The following ROBO2 variants were observed in gnomAD, a reference collection of about 807,000 sequenced individuals.
The protein encoded by ROBO2 is roundabout homolog 2.
Under a neutral mutation model 160.8 loss-of-function variants are expected in ROBO2, and 53 were observed. The ratio of observed to expected loss-of-function variants is 0.33; its 90% CI spans 0.26 to 0.41. The LOEUF is 0.41. Ranked by LOEUF, ROBO2 falls within the 10% of genes least tolerant of loss-of-function variation. The pLI, the probability that ROBO2 is intolerant of heterozygous loss-of-function variation, is 1.00. For synonymous variants in ROBO2, 664 were observed against 611.7 expected (o/e 1.09, Z -1.26); for missense variants, 1,577 against 1,722.4 (o/e 0.92, Z 1.49).
chr3:76,062,991 A>G (rs867748204), intron 2 of ROBO2, among the ~76,000 whole-genome samples: 30 of 152,190 alleles, frequency 2.0e-4, no homozygotes, highest in African/African-American at 7.0e-4. Flanking sequence ...GTGATTTTCT[A>G]TTCATAATTT....
chr3:76,913,868 G>A (rs1048014040), intron 2 of ROBO2, among the ~76,000 whole-genome samples: 4 of 152,006 alleles, frequency 2.6e-5, no homozygotes, highest in Admixed American at 2.0e-4. Context: ...TCCTTTAGAG[G>A]AGTAACTGAA....
chr3:76,174,629 C>A (rs115483542), intron 2 of ROBO2, among the ~76,000 whole-genome samples: 5,791 of 152,044 alleles, frequency 0.038, 293 homozygotes, highest in African/African-American at 0.12. Context: ...AATCCTTTCC[C>A]CATTCGTTGT....
intron 2 of ROBO2, among the ~76,000 whole-genome samples, chr3:76,101,830 G>A (rs904563696): frequency 1.4e-5 from 2 of 144,588 alleles, no homozygotes; most frequent in Non-Finnish European, 3.0e-5. Context: ...ATACCCCGGG[G>A]TGTGATGTTC....
intron 2 of ROBO2, among the ~76,000 whole-genome samples, chr3:76,060,075 T>C (rs892123601): frequency 6.6e-6 from 1 of 150,486 alleles, no homozygotes; most frequent in Non-Finnish European, 1.5e-5. Context: ...CAAGGTACTT[T>C]GGTGTGATTT....
At chr3:76,660,072 A>G (rs535387438) in intron 2 of ROBO2, among the ~76,000 whole-genome samples, 57 of 152,230 alleles carry the variant, frequency 3.7e-4, no homozygotes, top group African/African-American at 1.3e-3. Context: ...TAATAAAATG[A>G]AGACAGAAAT....
chr3:76,755,369 C>A (rs1001230347), intron 2 of ROBO2, among the ~76,000 whole-genome samples: 9 of 151,642 alleles, frequency 5.9e-5, no homozygotes, highest in Middle Eastern at 3.2e-3. Flanking sequence ...GACATCTACC[C>A]CAGAGTAAGG....
At chr3:76,363,317 A>G (rs758067719) in intron 2 of ROBO2, among the ~76,000 whole-genome samples, 9 of 152,130 alleles carry the variant, frequency 5.9e-5, no homozygotes, top group African/African-American at 2.2e-4. Flanking sequence ...GCTTTTTGCA[A>G]TTCATCAGAA....
At chr3:76,059,347 T>G (rs962852862) in intron 2 of ROBO2, among the ~76,000 whole-genome samples, 54 of 152,206 alleles carry the variant, frequency 3.5e-4, no homozygotes, top group African/African-American at 1.3e-3. Flanking sequence ...CCATTCTAAC[T>G]GGTGTGAGAT....
intron 2 of ROBO2, among the ~76,000 whole-genome samples, chr3:77,002,509 C>A (rs1205802249): frequency 6.6e-6 from 1 of 151,802 alleles, no homozygotes; most frequent in Middle Eastern, 3.5e-3. Flanking sequence ...TAAAAGTATT[C>A]AAAAATCCAA....
At chr3:76,769,507 A>G (rs1263222426) in intron 2 of ROBO2, among the ~76,000 whole-genome samples, 1 of 151,428 alleles carries the variant, frequency 6.6e-6, no homozygotes, top group Non-Finnish European at 1.5e-5. Context: ...TAGATTGTTT[A>G]TTTGTAAATC....
chr3:77,618,171 A>G (rs1369385669), intron 22 of ROBO2: 1 of 255,350 alleles, frequency 3.9e-6, no homozygotes, highest in Non-Finnish European at 7.7e-6. Flanking sequence ...CTCCTTTTAG[A>G]TTCCTCAAAG....
intron 2 of ROBO2, among the ~76,000 whole-genome samples, chr3:76,232,203 T>G (rs973972078): frequency 7.2e-5 from 11 of 152,136 alleles, no homozygotes; most frequent in Non-Finnish European, 1.3e-4. Flanking sequence ...AGCAAAATAC[T>G]AAAGAAGTTC....
intron 2 of ROBO2, among the ~76,000 whole-genome samples, chr3:76,023,451 A>G (rs1206228417): frequency 6.6e-6 from 1 of 151,596 alleles, no homozygotes; most frequent in East Asian, 1.9e-4. Flanking sequence ...AGGGTTATTA[A>G]TTGGTTTAAT....
rs188891078 is a variant in ROBO2 at position 77,240,351 on chromosome 3, G to A, written c.388+142011G>A. ...CCAGGTGCTAAGCCCCTCACTGCCCGGAGCCGTCAGTGCCAGTCGCCCGCT... is the reference window on the plus strand; with the variant it reads ...CCAGGTGCTAAGCCCCTCACTGCCCAGAGCCGTCAGTGCCAGTCGCCCGCT... On this transcript the variant is annotated intron_variant, in intron 2 of 25. Transcript: ENST00000461745. 7.2e-5 allele frequency among the ~76,000 whole-genome samples: 11 copies of A among 152,272 alleles called. No individual in the cohort carries two copies. The East Asian group carries it at 9.7e-4, about 13-fold the overall frequency.
chr3:76,921,496 C>T (rs2076659539), intron 2 of ROBO2, among the ~76,000 whole-genome samples: 1 of 152,108 alleles, frequency 6.6e-6, no homozygotes, highest in Non-Finnish European at 1.5e-5. Flanking sequence ...CTTGTAATCC[C>T]AGCTACTCAG....
intron 2 of ROBO2, among the ~76,000 whole-genome samples, chr3:76,252,578 A>G (rs1239551288): frequency 6.6e-6 from 1 of 151,946 alleles, no homozygotes; most frequent in Non-Finnish European, 1.5e-5. Flanking sequence ...ACACATATAT[A>G]TGGCTGTGAA....
intron 2 of ROBO2, among the ~76,000 whole-genome samples, chr3:76,555,876 T>C (rs1247210501): frequency 1.3e-5 from 2 of 151,576 alleles, no homozygotes; most frequent in African/African-American, 4.9e-5. Context: ...AGGTCAAGAG[T>C]GTGAGACCAG....
intron 2 of ROBO2, among the ~76,000 whole-genome samples, chr3:76,272,012 C>T (rs926106211): frequency 1.3e-5 from 2 of 152,114 alleles, no homozygotes; most frequent in African/African-American, 4.8e-5. Context: ...GTGCTTCATA[C>T]ATCCATATTC....
intron 2 of ROBO2, among the ~76,000 whole-genome samples, chr3:76,143,003 T>G (rs2071740066): frequency 6.6e-6 from 1 of 151,714 alleles, no homozygotes; most frequent in African/African-American, 2.4e-5. Context: ...ACGTCATTTA[T>G]GATGTGCTCT....
Sources: allele counts gnomAD v4.1 joint callset (sites outside exome capture counted in the v4.1 genomes callset), GRCh38; gene constraint gnomAD v4.1.1; transcripts MANE v1.5; gene names NCBI Gene and HGNC (gene_info 2026-07-23, HGNC 2026-07-21).